The following HSF2BP variants were observed in gnomAD, a reference collection of about 807,000 sequenced individuals.
HSF2BP encodes heat shock transcription factor 2 binding protein.
Under a neutral mutation model 35.0 loss-of-function variants are expected in HSF2BP, and 35 were observed. That is an observed-to-expected ratio of 1.00 (90% CI 0.76 to 1.32). The LOEUF (loss-of-function observed/expected upper bound fraction) is 1.32, where lower values mean the gene tolerates loss of function less well. Among genes scored for constraint, HSF2BP ranks in the 40% most tolerant of loss-of-function variants. The pLI, the probability that HSF2BP is intolerant of heterozygous loss-of-function variation, is 0.00. For missense variants in HSF2BP, 326 were observed against 321.7 expected (o/e 1.01, Z -0.10); for synonymous variants, 114 against 117.4 (o/e 0.97, Z 0.18).
intron 3 of HSF2BP, among the ~76,000 whole-genome samples, chr21:43,647,876 C>T (rs1028995628): frequency 7.3e-5 from 11 of 150,510 alleles, no homozygotes; most frequent in Admixed American, 6.0e-4. Flanking sequence ...TTGCAGTGAG[C>T]CAAGATCACG....
At chr21:43,640,629 A>C (rs960491263) in intron 4 of HSF2BP, among the ~76,000 whole-genome samples, 2 of 152,244 alleles carry the variant, frequency 1.3e-5, no homozygotes, top group Admixed American at 1.3e-4. Flanking sequence ...TACCAATTCC[A>C]ATTTCCTGGT....
chr21:43,618,461 T>G (rs1601677674), intron 6 of HSF2BP, among the ~76,000 whole-genome samples: 2 of 152,316 alleles, frequency 1.3e-5, no homozygotes, highest in East Asian at 3.9e-4. Flanking sequence ...TCCTCACATT[T>G]ATGGTCAACT....
At chr21:43,606,307 C>A (rs530630889) in intron 7 of HSF2BP, among the ~76,000 whole-genome samples, 1 of 152,314 alleles carries the variant, frequency 6.6e-6, no homozygotes, top group South Asian at 2.1e-4. Context: ...ACAGCCCCAG[C>A]TGTAGGAACA....
At chr21:43,625,748 G>A (rs1306298345) in intron 6 of HSF2BP, among the ~76,000 whole-genome samples, 2 of 152,118 alleles carry the variant, frequency 1.3e-5, no homozygotes, top group Non-Finnish European at 2.9e-5. Context: ...ATTCTTCCCA[G>A]TCAAATTCAT....
chr21:43,645,218 G>A (rs2082692568), intron 3 of HSF2BP, among the ~76,000 whole-genome samples: 1 of 152,176 alleles, frequency 6.6e-6, no homozygotes, highest in Non-Finnish European at 1.5e-5. Context: ...CGATGCTTTA[G>A]GACAATGATT....
chr21:43,640,228 G>A (rs1455819770), intron 4 of HSF2BP, among the ~76,000 whole-genome samples: 3 of 152,238 alleles, frequency 2.0e-5, no homozygotes, highest in Admixed American at 6.5e-5. Flanking sequence ...TTTGGCCCAG[G>A]AGGTCAAGGA....
intron 3 of HSF2BP, among the ~76,000 whole-genome samples, chr21:43,645,998 G>T (rs2082703669): frequency 1.3e-5 from 2 of 152,116 alleles, no homozygotes; most frequent in South Asian, 4.2e-4. Flanking sequence ...TCATAAAATT[G>T]GCTGGCAAAG....
chr21:43,653,248 G>A (rs1024789687), intron 3 of HSF2BP, among the ~76,000 whole-genome samples: 2 of 144,138 alleles, frequency 1.4e-5, no homozygotes, highest in Non-Finnish European at 3.1e-5. Context: ...GGAAGGGGAG[G>A]GGAGGGGAGG....
Position 43,612,467 on chromosome 21 carries a change from C to T in HSF2BP, c.692+1363G>A, listed in dbSNP as rs552886623. Among the ~76,000 whole-genome samples, 4 of 152,082 alleles carry T rather than the reference C, an allele frequency of 2.6e-5. No individual in the cohort carries two copies. The South Asian group carries it at 8.3e-4, about 32-fold the overall frequency. Reference sequence around the variant, plus strand: ...GAGATTGAGACCATCCTGGCTAACACGGTGAAACCCCGTCTCTACTAAAAA... The same window carrying T: ...GAGATTGAGACCATCCTGGCTAACATGGTGAAACCCCGTCTCTACTAAAAA... On this transcript the variant is annotated intron_variant, in intron 7 of 8. Transcript: ENST00000291560.
chr21:43,604,762 C>T (rs901165220), intron 7 of HSF2BP, among the ~76,000 whole-genome samples: 1 of 140,804 alleles, frequency 7.1e-6, no homozygotes, highest in Non-Finnish European at 1.5e-5. Flanking sequence ...ACCATACGCA[C>T]ACCACTCGCA....
intron 3 of HSF2BP, among the ~76,000 whole-genome samples, chr21:43,650,718 T>A (rs1412238792): frequency 6.8e-6 from 1 of 146,150 alleles, no homozygotes; most frequent in Non-Finnish European, 1.5e-5. Context: ...TTTTTTTTTT[T>A]TTTTTTTGAG....
intron 3 of HSF2BP, among the ~76,000 whole-genome samples, chr21:43,649,301 C>T (rs988771657): frequency 3.3e-5 from 5 of 151,760 alleles, no homozygotes; most frequent in African/African-American, 7.3e-5. Flanking sequence ...GGCATGATGG[C>T]GCGCACCTGT....
the HSF2BP span, among the ~76,000 whole-genome samples, chr21:43,496,101 C>A: frequency 7.4e-6 from 1 of 135,116 alleles, no homozygotes; most frequent in Admixed American, 7.3e-5. Context: ...ACAAAGGCAT[C>A]CAAATTGGAA....
intron 8 of HSF2BP, among the ~76,000 whole-genome samples, chr21:43,584,687 G>A (rs973736126): frequency 3.9e-5 from 6 of 152,162 alleles, no homozygotes; most frequent in African/African-American, 1.4e-4. Context: ...CTAATTCTCA[G>A]AAGAGATTTT....
At chr21:43,617,464 T>C (rs1206087860) in intron 6 of HSF2BP, among the ~76,000 whole-genome samples, 1 of 150,866 alleles carries the variant, frequency 6.6e-6, no homozygotes, top group Non-Finnish European at 1.5e-5. Flanking sequence ...CATGGTAATT[T>C]GTACTTTGCT....
intron 8 of HSF2BP, among the ~76,000 whole-genome samples, chr21:43,580,494 G>A (rs2081711427): frequency 1.3e-5 from 2 of 152,214 alleles, no homozygotes. Context: ...TATCATGTAA[G>A]CATTGATTAA....
chr21:43,592,265 C>G lies in HSF2BP; in HGVS notation c.756G>C (p.Glu252Asp). 1.9e-6 allele frequency: 3 copies of G among 1,613,926 alleles called. No individual in the cohort carries two copies. Among genetic ancestry groups the G allele is most frequent in the Non-Finnish European group, 2.5e-6 (3 of 1,179,882 alleles). Residue 252 changes from glutamate to aspartate, a missense_variant, in exon 8 of 9, where the codon GAG becomes GAC. By Grantham distance (45) the Glu-to-Asp change is conservative. Transcript: ENST00000291560. ...INLKGLKYIS[E>D]SPGFIPLLWW... ...ACAGCAAAGGGATGAATCCTGGACT[C>G]TCGCTGATGTATTTCAAGCCTTTCA...
intron 6 of HSF2BP, among the ~76,000 whole-genome samples, chr21:43,618,184 C>T (rs554407367): frequency 1.4e-3 from 214 of 151,874 alleles, no homozygotes; most frequent in South Asian, 9.1e-3. Context: ...TGCTTGAACC[C>T]GGGAGTTTGA....
At chr21:43,647,352 G>C (rs973264266) in intron 3 of HSF2BP, among the ~76,000 whole-genome samples, 2 of 151,844 alleles carry the variant, frequency 1.3e-5, no homozygotes, top group South Asian at 2.1e-4. Flanking sequence ...TCAGCCTCCC[G>C]AGTAGCTGGG....
Sources: gnomAD v4.1 joint callset for allele counts (sites outside exome capture counted in the v4.1 genomes callset) on GRCh38, gnomAD v4.1.1 for gene constraint, MANE v1.5 for transcripts, NCBI Gene and HGNC (gene_info 2026-07-23, HGNC 2026-07-21) for gene names.